The following ST3GAL2 variants were observed in gnomAD, a reference collection of about 807,000 sequenced individuals.
ST3GAL2 encodes the protein ST3 beta-galactoside alpha-2,3-sialyltransferase 2.
ST3GAL2 carries 16 observed loss-of-function variants against 37.5 expected under a neutral mutation model. The observed-to-expected ratio is 0.43, with a 90% CI of 0.29 to 0.65. ST3GAL2 has a LOEUF of 0.65. Among genes scored for constraint, ST3GAL2 ranks in the 30% least tolerant of loss-of-function variants. The pLI, the probability that ST3GAL2 is intolerant of heterozygous loss-of-function variation, is 0.17. For missense variants in ST3GAL2, 383 were observed against 487.8 expected (o/e 0.79, Z 2.02); for synonymous variants, 238 against 202.9 (o/e 1.17, Z -1.47).
At chr16:70,425,511 T>C (rs1479900075) in intron 1 of ST3GAL2, among the ~76,000 whole-genome samples, 2 of 152,106 alleles carry the variant, frequency 1.3e-5, no homozygotes, top group Admixed American at 1.3e-4. Context: ...GGTACCATTT[T>C]GACCCATGGA....
chr16:70,418,030 T>C (rs142867662), intron 1 of ST3GAL2, among the ~76,000 whole-genome samples: 1,834 of 152,278 alleles, frequency 0.012, 16 homozygotes, highest in Non-Finnish European at 0.021. Flanking sequence ...CGTAGATGTA[T>C]AATAAGGAGC....
intron 3 of ST3GAL2, among the ~76,000 whole-genome samples, chr16:70,393,454 G>A (rs572211511): frequency 5.9e-5 from 9 of 152,342 alleles, no homozygotes; most frequent in African/African-American, 1.9e-4. Flanking sequence ...TGGACCTGCA[G>A]GGCTTCCACC....
rs192209827 is a variant in ST3GAL2, at chr16:70,402,058, C to T, written c.-1003-2525G>A. ...CTTACACCTGTAATCCCAGCACTTT[C>T]GGAGGCCGAGGCGGGTGGATCACCT... On this transcript the variant is annotated intron_variant, in intron 1 of 6. Transcript: ENST00000342907. 6.1e-3 allele frequency among the ~76,000 whole-genome samples: 877 copies of T among 144,100 alleles called. 3 individuals are homozygous for T. Among genetic ancestry groups the T allele is most frequent in the Non-Finnish European group, 0.011 (703 of 66,686 alleles). The allele number at this position is 144,100 out of a possible 152,430, so 94.5% of individuals were successfully genotyped here. A position where few individuals can be genotyped will look rare whatever the true frequency, so the allele number is the denominator to read the frequency against.
chr16:70,381,543 G>C lies in ST3GAL2; in HGVS notation c.*146C>G, dbSNP rs749801073. 3 of 972,724 alleles carry C rather than the reference G, an allele frequency of 3.1e-6. No individual in the cohort carries two copies. The highest frequency in any genetic ancestry group is 3.3e-4 in the Middle Eastern group (1 of 3,006). 60.3% of individuals were successfully genotyped at this position (972,724 alleles called of 1,614,324 possible). A position where few individuals can be genotyped will look rare whatever the true frequency, so the allele number is the denominator to read the frequency against. On this transcript the variant is annotated 3_prime_UTR_variant, in exon 7 of 7. Coordinates refer to ENST00000342907, the MANE Select transcript of ST3GAL2 (RefSeq NM_006927.4). ...CGCAGCGCAGATTGGTGCCAGGCCC[G>C]GCCGGTCCCCCAGTCTCGTGATTGG...
chr16:70,418,166 C>A (rs986731885), intron 1 of ST3GAL2, among the ~76,000 whole-genome samples: 1 of 152,196 alleles, frequency 6.6e-6, no homozygotes, highest in African/African-American at 2.4e-5. Flanking sequence ...CGACACCAGG[C>A]AGTGGCAGCC....
chr16:70,383,774 C>A (rs2047422974), intron 4 of ST3GAL2, among the ~76,000 whole-genome samples: 1 of 151,978 alleles, frequency 6.6e-6, no homozygotes. Context: ...TGCTTCTGGA[C>A]TGCTCTCCCG....
intron 4 of ST3GAL2, among the ~76,000 whole-genome samples, chr16:70,384,335 A>G (rs2047426963): frequency 6.6e-6 from 1 of 152,234 alleles, no homozygotes; most frequent in Non-Finnish European, 1.5e-5. Context: ...ATGAACTATG[A>G]GGACATTATG....
At chr16:70,408,924 A>AAAAAAAAAAAG (rs2047615018) in intron 1 of ST3GAL2, among the ~76,000 whole-genome samples, 4 of 135,362 alleles carry the variant, frequency 3.0e-5, no homozygotes, top group Non-Finnish European at 3.1e-5. Flanking sequence ...AAAAAAAAAA[A>AAAAAAAAAAAG]AAAGAAAGAA....
At chr16:70,410,488 C>A (rs529380325) in intron 1 of ST3GAL2, among the ~76,000 whole-genome samples, 1 of 151,572 alleles carries the variant, frequency 6.6e-6, no homozygotes, top group South Asian at 2.1e-4. Context: ...CTCCTGACCT[C>A]GTGATCTGCC....
chr16:70,433,568 G>A (rs1179399006), intron 1 of ST3GAL2, among the ~76,000 whole-genome samples: 1 of 152,106 alleles, frequency 6.6e-6, no homozygotes, highest in Non-Finnish European at 1.5e-5. Context: ...CCCAGGCTGG[G>A]CCAACCAGAC....
intron 1 of ST3GAL2, among the ~76,000 whole-genome samples, chr16:70,421,408 CCTCA>C (rs2047713543): frequency 1.3e-5 from 2 of 152,220 alleles, no homozygotes; most frequent in Non-Finnish European, 1.5e-5. Context: ...TGCTGCCCAT[CCTCA>C]AGGACTGACC....
intron 3 of ST3GAL2, among the ~76,000 whole-genome samples, chr16:70,392,997 C>T (rs1243028535): frequency 2.0e-5 from 3 of 152,124 alleles, no homozygotes; most frequent in African/African-American, 7.2e-5. Context: ...CCAATTACTA[C>T]CCAGGTCACC....
intron 1 of ST3GAL2, among the ~76,000 whole-genome samples, chr16:70,414,546 C>T (rs1320271535): frequency 6.6e-6 from 1 of 152,206 alleles, no homozygotes; most frequent in African/African-American, 2.4e-5. Context: ...CTTCAAGTCC[C>T]CAGTCTGCCA....
Position 70,378,656 on chromosome 16 carries a change from C to G in ST3GAL2, c.*3033G>C, listed in dbSNP as rs1422366620. On this transcript the variant is annotated 3_prime_UTR_variant, in exon 7 of 7. Coordinates refer to ENST00000342907, the MANE Select transcript of ST3GAL2 (RefSeq NM_006927.4). Reference sequence around the variant, plus strand: ...GGCGGAGCTTGCAATGAGCCGAGATCCCACCACTGCACTCCAGCCTGGGCG... The same window carrying G: ...GGCGGAGCTTGCAATGAGCCGAGATGCCACCACTGCACTCCAGCCTGGGCG... The G allele has an allele frequency of 6.6e-6, 1 of 151,066 alleles. No individual in the cohort carries two copies. The highest frequency in any genetic ancestry group is 6.6e-5 in the Admixed American group (1 of 15,062). The allele number at this position is 151,066 out of a possible 1,614,324, so 9.4% of individuals were successfully genotyped here.
rs1346603686 is a variant in ST3GAL2 at position 70,398,290 on chromosome 16, C to G, written c.241G>C (p.Ala81Pro). The G allele has an allele frequency of 5.6e-6, 9 of 1,613,250 alleles. No individual in the cohort carries two copies. Among genetic ancestry groups the G allele is most frequent in the Non-Finnish European group, 7.6e-6 (9 of 1,180,056 alleles). The change falls in exon 2 of 7, where the codon GCC becomes CCC. Residue 81 changes from alanine (A) to proline (P), a missense_variant. Transcript: ENST00000342907. The stretch of plus-strand genomic sequence containing the variant: ...AAGTGGCTGTCAAACCAGTCGGAGG[C>G]ACCGGCATCGCCCATGCAGCGGCGA... Reference protein sequence around the residue: ...ACRRCMGDAGASDWFDSHFDG... With the variant: ...ACRRCMGDAGPSDWFDSHFDG...
intron 1 of ST3GAL2, among the ~76,000 whole-genome samples, chr16:70,415,592 C>CAGGCACG (rs1444106198): frequency 1.3e-5 from 2 of 151,608 alleles, no homozygotes; most frequent in African/African-American, 2.4e-5. Context: ...GCTGGGACTA[C>CAGGCACG]CGGAGTGTGC....
intron 1 of ST3GAL2, among the ~76,000 whole-genome samples, chr16:70,430,766 G>C (rs2047784318): frequency 6.6e-6 from 1 of 152,130 alleles, no homozygotes; most frequent in African/African-American, 2.4e-5. Context: ...CTGCTCCCTA[G>C]AGCACCCAAG....
At chr16:70,435,049 AACAGGC>A in intron 1 of ST3GAL2, among the ~76,000 whole-genome samples, 1 of 152,342 alleles carries the variant, frequency 6.6e-6, no homozygotes, top group East Asian at 1.9e-4. Context: ...TGGTTGGGGA[AACAGGC>A]ACAGGCCAGA....
At chr16:70,383,466 C>T (rs1001754190) in intron 4 of ST3GAL2, among the ~76,000 whole-genome samples, 1 of 151,226 alleles carries the variant, frequency 6.6e-6, no homozygotes, top group Non-Finnish European at 1.5e-5. Context: ...CAGCTGTTAT[C>T]CCAGCTACTT....
Sources: allele counts gnomAD v4.1 joint callset (sites outside exome capture counted in the v4.1 genomes callset), GRCh38; gene constraint gnomAD v4.1.1; transcripts MANE v1.5; gene names NCBI Gene and HGNC (gene_info 2026-07-23, HGNC 2026-07-21).